HYCC2: variants seen among roughly 807,000 people sequenced by gnomAD.
HYCC2 encodes the protein hyccin PI4KA lipid kinase complex subunit 2.
chr2:201,023,033 T>C, the HYCC2 span: 10 of 755,428 alleles, frequency 1.3e-5, no homozygotes, highest in Admixed American at 2.7e-4. Context: ...CAAACTCAAG[T>C]GAGAAAAGTA....
chr2:201,032,620 C>T, the HYCC2 span, among the ~76,000 whole-genome samples: 7 of 152,120 alleles, frequency 4.6e-5, no homozygotes, highest in Non-Finnish European at 8.8e-5. Context: ...GATTGAGATT[C>T]GCTTCCATTA....
chr2:201,024,142 T>C, the HYCC2 span: 1 of 620,784 alleles, frequency 1.6e-6, no homozygotes, highest in Non-Finnish European at 2.8e-6. Context: ...CTACTATACA[T>C]TTTAGATAAG....
At chr2:201,049,512 GTT>G in the HYCC2 span, among the ~76,000 whole-genome samples, 3 of 142,890 alleles carry the variant, frequency 2.1e-5, no homozygotes, top group Non-Finnish European at 3.1e-5. Context: ...CACCACCCCG[GTT>G]TTTTTTTTTT....
chr2:200,987,390 G>A, the HYCC2 span: 1 of 1,289,642 alleles, frequency 7.8e-7, no homozygotes, highest in Admixed American at 2.3e-5. Flanking sequence ...TTGCTGAGTT[G>A]GGCTCCGGCG....
the HYCC2 span, among the ~76,000 whole-genome samples, chr2:201,000,399 G>A: frequency 2.0e-5 from 3 of 151,960 alleles, no homozygotes; most frequent in Admixed American, 6.6e-5. Context: ...AAGAAAAAAA[G>A]AAAAATATGC....
the HYCC2 span, among the ~76,000 whole-genome samples, chr2:201,014,307 C>CTA: frequency 9.6e-5 from 6 of 62,294 alleles, no homozygotes; most frequent in African/African-American, 4.0e-4. Flanking sequence ...CTGGTAAGCA[C>CTA]TATAGGAAAC....
the HYCC2 span, among the ~76,000 whole-genome samples, chr2:201,047,420 ATG>A: frequency 2.4e-3 from 354 of 146,516 alleles, 2 homozygotes; most frequent in African/African-American, 8.6e-3. Context: ...ACAATGTCTA[ATG>A]TGTGTGTGTG....
the HYCC2 span, chr2:201,023,869 C>T: frequency 1.1e-6 from 1 of 951,814 alleles, no homozygotes; most frequent in South Asian, 1.4e-5. Context: ...CTCCATAGAG[C>T]ACATAATGTT....
At chr2:201,047,083 C>T in the HYCC2 span, among the ~76,000 whole-genome samples, 1 of 152,020 alleles carries the variant, frequency 6.6e-6, no homozygotes, top group South Asian at 2.1e-4. Flanking sequence ...GAAGATGCAA[C>T]ATTTCACTAA....
the HYCC2 span, among the ~76,000 whole-genome samples, chr2:201,064,857 C>T: frequency 1.3e-5 from 2 of 152,132 alleles, no homozygotes; most frequent in African/African-American, 4.8e-5. Flanking sequence ...GCAAAAAAAA[C>T]TGCCAACAGG....
chr2:201,038,949 A>G, the HYCC2 span, among the ~76,000 whole-genome samples: 2 of 152,150 alleles, frequency 1.3e-5, no homozygotes, highest in Non-Finnish European at 2.9e-5. Flanking sequence ...AGCTTAACTA[A>G]AAGACAAGCG....
chr2:201,042,010 G>A, the HYCC2 span, among the ~76,000 whole-genome samples: 3 of 151,980 alleles, frequency 2.0e-5, no homozygotes, highest in Admixed American at 6.6e-5. Context: ...ATGCCGAGCC[G>A]AGGCTGGACT....
the HYCC2 span, among the ~76,000 whole-genome samples, chr2:201,012,952 T>TACACAC: frequency 2.1e-4 from 31 of 146,414 alleles, no homozygotes; most frequent in Middle Eastern, 3.6e-3. Flanking sequence ...TTTCAAAAAA[T>TACACAC]ACACACACAC....
chr2:201,050,212 T>C, the HYCC2 span, among the ~76,000 whole-genome samples: 4,227 of 142,612 alleles, frequency 0.03, 212 homozygotes, highest in African/African-American at 0.1. Flanking sequence ...ACACCCTGTC[T>C]CAAAAAAAAA....
the HYCC2 span, among the ~76,000 whole-genome samples, chr2:201,067,513 T>C: frequency 8.5e-4 from 130 of 152,292 alleles, 1 homozygote; most frequent in African/African-American, 3.0e-3. Context: ...ATAATTGAGT[T>C]TTTATGCTTT....
At chr2:200,992,324 A>G in the HYCC2 span, 68 of 1,612,336 alleles carry the variant, frequency 4.2e-5, no homozygotes, top group Non-Finnish European at 5.3e-5. Context: ...TCTATAAATG[A>G]TATCATCAAG....
the HYCC2 span, among the ~76,000 whole-genome samples, chr2:201,047,255 C>T: frequency 4.0e-5 from 6 of 151,236 alleles, no homozygotes; most frequent in South Asian, 1.2e-3. Context: ...AAATGAGACA[C>T]AGCAGAATAC....
At chr2:201,029,196 AC>A in the HYCC2 span, among the ~76,000 whole-genome samples, 1 of 152,238 alleles carries the variant, frequency 6.6e-6, no homozygotes, top group South Asian at 2.1e-4. Context: ...GCCAACAGAC[AC>A]ATGAAAAAAT....
the HYCC2 span, among the ~76,000 whole-genome samples, chr2:200,989,068 A>C: frequency 5.9e-5 from 9 of 152,242 alleles, no homozygotes; most frequent in African/African-American, 1.2e-4. Context: ...GATGTGAAGG[A>C]AAGTTGAGTC....
Sources: allele counts gnomAD v4.1 joint callset (sites outside exome capture counted in the v4.1 genomes callset), GRCh38; gene constraint gnomAD v4.1.1; transcripts MANE v1.5; gene names NCBI Gene and HGNC (gene_info 2026-07-23, HGNC 2026-07-21).